WASHC4: variants seen among roughly 807,000 people sequenced by gnomAD.
WASHC4 encodes the protein WASH complex subunit 7.
A neutral mutation model predicts 166.6 loss-of-function variants in WASHC4; 86 were observed. The ratio of observed to expected loss-of-function variants is 0.52; its 90% confidence interval spans 0.43 to 0.62. The LOEUF is 0.62. Among genes scored for constraint, WASHC4 ranks in the 20% least tolerant of loss-of-function variants. The probability of loss-of-function intolerance (pLI) is 0.00; values close to 1 mark genes in which losing one functional copy is unlikely to be tolerated. For synonymous variants in WASHC4, 446 were observed against 451.6 expected, an observed-to-expected ratio of 0.99 and a Z score of 0.16; for missense variants, 1,262 against 1,382.4, an observed-to-expected ratio of 0.91 and a Z score of 1.38.
Position 105,118,391 on chromosome 12 carries a change from AAAT to A in WASHC4, c.436-54_436-52del. On this transcript the variant is annotated intron_variant, in intron 6 of 32. Transcript: ENST00000332180. ...AGTTGTTACCATAAAATTCAGTAAA[AAAT>A]GGTGAGATTTAAAGAGTAACTTTAT... 3 of 1,238,054 alleles carry A rather than the reference AAAT, an allele frequency of 2.4e-6. No individual in the cohort carries two copies. In the South Asian group the frequency reaches 3.6e-5, roughly 15 times the overall value. 76.7% of individuals were successfully genotyped at this position (1,238,054 alleles called of 1,614,324 possible).
At position 105,122,233 on chromosome 12, in the gene WASHC4, T is replaced by G. The variant is rs1397861083; in HGVS notation, c.781T>G (p.Phe261Val). 1.2e-6 allele frequency: 2 copies of G among 1,612,376 alleles called. No homozygotes were observed. The highest frequency in any genetic ancestry group is 1.7e-6 in the Non-Finnish European group (2 of 1,179,578). ...LEGQLLDGMI[F>V]QACIEQQFDS... Reference sequence around the variant, plus strand: ...AGGGCAATTACTGGATGGAATGATATTCCAGGTAAGTAGGTCTGTATCAGA... The same window carrying G: ...AGGGCAATTACTGGATGGAATGATAGTCCAGGTAAGTAGGTCTGTATCAGA... The change falls in exon 10 of 33, where the codon TTC becomes GTC. Residue 261 changes from phenylalanine (F) to valine (V), a missense_variant. Coordinates refer to ENST00000332180, the MANE Select transcript of WASHC4 (RefSeq NM_015275.3).
In WASHC4 at chr12:105,139,415, A is replaced by ATGTGTG. The variant is rs144001458; in HGVS notation, c.1453-873_1453-868dup. Among the ~76,000 whole-genome samples, 220 of 94,436 alleles carry ATGTGTG rather than the reference A, an allele frequency of 2.3e-3. 4 individuals carry two copies. The highest frequency in any genetic ancestry group is 8.8e-3 in the African/African-American group (201 of 22,896). 62.0% of individuals were successfully genotyped at this position (94,436 alleles called of 152,430 possible). ...TTGTCTCTATAGACAGACTATATATATGTGTGTGTGTATATATATATATAT... is the reference window on the plus strand; with the variant it reads ...TTGTCTCTATAGACAGACTATATATATGTGTGTGTGTGTGTGTATATATATATATAT... On this transcript the variant is annotated intron_variant, in intron 15 of 32. Transcript: ENST00000332180.
chr12:105,164,398 A>C (rs536169135), intron 31 of WASHC4, 91 bp downstream of exon 31: 112 of 1,147,492 alleles, frequency 9.8e-5, no homozygotes, highest in Admixed American at 1.5e-4. Context: ...CCATATAGAA[A>C]CTACCATTTT....
intron 32 of WASHC4, 91 bp downstream of exon 32, chr12:105,164,831 C>T: frequency 1.2e-6 from 1 of 856,054 alleles, no homozygotes; most frequent in East Asian, 2.6e-5. Context: ...CATCTAGCTT[C>T]TTTGTCCTTT....
chr12:105,167,112 C>G lies in WASHC4; in HGVS notation c.*181C>G, dbSNP rs995761618. 32 of 579,842 alleles carry G rather than the reference C, an allele frequency of 5.5e-5. No homozygotes were observed. Among genetic ancestry groups the G allele is most frequent in the Middle Eastern group, 2.8e-4 (1 of 3,522 alleles). The allele number at this position is 579,842 out of a possible 1,614,324, so 35.9% of individuals were successfully genotyped here. A position where few individuals can be genotyped will look rare whatever the true frequency, so the allele number is the denominator to read the frequency against. Reference sequence around the variant, plus strand: ...ATTCTGTTTCCAAAGGCTCTACTTTCAAAGGTTAAGAATGAGATTTTAAAA... The same window carrying G: ...ATTCTGTTTCCAAAGGCTCTACTTTGAAAGGTTAAGAATGAGATTTTAAAA... On this transcript the variant is annotated 3_prime_UTR_variant, in exon 33 of 33. Transcript: ENST00000332180.
At position 105,163,701 on chromosome 12, in the gene WASHC4, A is replaced by T. The variant is rs546118672; in HGVS notation, c.3158-410A>T. 2.0e-5 allele frequency among the ~76,000 whole-genome samples: 3 copies of T among 151,984 alleles called. No homozygotes were observed. In the South Asian group the frequency reaches 6.3e-4, roughly 32 times the overall value. ...AATTTTTGTTTTTTTTAGAGACAGG[A>T]GTCTCACTGTGTTGCCCAGGTTGGT... On this transcript the variant is annotated intron_variant, in intron 30 of 32. Coordinates refer to ENST00000332180, the MANE Select transcript of WASHC4 (RefSeq NM_015275.3).
intron 13 of WASHC4, among the ~76,000 whole-genome samples, chr12:105,127,665 G>T (rs552511975): frequency 6.6e-6 from 1 of 152,030 alleles, no homozygotes; most frequent in Non-Finnish European, 1.5e-5. Context: ...TTCTTGATGT[G>T]CTTCCTTTTT....
intron 1 of WASHC4, among the ~76,000 whole-genome samples, chr12:105,109,719 TCACTGCAGCCTCGACCA>T (rs1444242921): frequency 7.0e-6 from 1 of 143,828 alleles, no homozygotes; most frequent in Non-Finnish European, 1.5e-5. Flanking sequence ...TCGCCACGGC[TCACTGCAGCCTCGACCA>T]GCTGAGCTCA....
rs1173341090 is a variant in WASHC4 at position 105,164,752 on chromosome 12, G to T, written c.3454+12G>T. On this transcript the variant is annotated intron_variant, in intron 32 of 32. Transcript: ENST00000332180. ...GAAAGAGAAGGAAGGTCAGTGAGTG[G>T]TTTAAATTTGGAAAGACCAATAAAT... The T allele has an allele frequency of 5.1e-6, 8 of 1,583,308 alleles. No individual in the cohort carries two copies. Among genetic ancestry groups the T allele is most frequent in the Non-Finnish European group, 5.2e-6 (6 of 1,153,774 alleles).
Position 105,166,196 on chromosome 12 carries a change from C to A in WASHC4, c.3455-668C>A, listed in dbSNP as rs146674110. Among the ~76,000 whole-genome samples the A allele has an allele frequency of 6.4e-4, 97 of 152,282 alleles. 1 individual carries two copies. The East Asian group carries it at 0.015, about 23-fold the overall frequency. Reference sequence around the variant, plus strand: ...TTATGTTATCACTCACATCACTGTTCTAAGACTATTTCAGCTAAAGATTGC... The same window carrying A: ...TTATGTTATCACTCACATCACTGTTATAAGACTATTTCAGCTAAAGATTGC... On this transcript the variant is annotated intron_variant, in intron 32 of 32. Transcript: ENST00000332180.
chr12:105,152,356 G>A lies in WASHC4; in HGVS notation c.2663G>A (p.Arg888Lys). The change falls in exon 26 of 33, where the codon AGA becomes AAA. Residue 888 changes from arginine (R) to lysine (K), a missense_variant. Coordinates refer to ENST00000332180, the MANE Select transcript of WASHC4 (RefSeq NM_015275.3). ...TTTTCTGTCTAGTATCCTTTTGATA[G>A]AGCAGAAAAATTCAATCGAGGCATC... ...DQNDHKYPFD[R>K]AEKFNRGIRK... The A allele has an allele frequency of 6.3e-7, 1 of 1,575,324 alleles. No homozygotes were observed. The highest frequency in any genetic ancestry group is 8.7e-7 in the Non-Finnish European group (1 of 1,145,114).
intron 10 of WASHC4, among the ~76,000 whole-genome samples, chr12:105,123,824 G>A (rs1254923160): frequency 6.6e-6 from 1 of 152,152 alleles, no homozygotes; most frequent in Non-Finnish European, 1.5e-5. Flanking sequence ...TTTCATAGAG[G>A]AAAAGTCAAT....
intron 28 of WASHC4, 21 bp downstream of exon 28, chr12:105,157,343 TAAA>T (rs746256545): frequency 7.4e-7 from 1 of 1,343,902 alleles, no homozygotes; most frequent in African/African-American, 1.4e-5. Context: ...TTTGGAAATA[TAAA>T]AAAGTGTGTT....
chr12:105,149,796 T>G (rs1288238091), intron 25 of WASHC4, 47 bp downstream of exon 25: 3 of 1,542,030 alleles, frequency 1.9e-6, no homozygotes, highest in Non-Finnish European at 2.6e-6. Flanking sequence ...CTATTGAGTA[T>G]ATGGCAAATG....
At chr12:105,135,111 C>T (rs1372430847) in intron 14 of WASHC4, among the ~76,000 whole-genome samples, 2 of 152,022 alleles carry the variant, frequency 1.3e-5, no homozygotes, top group African/African-American at 2.4e-5. Context: ...TCCCTCTCAT[C>T]TTCTGTGCTG....
At chr12:105,163,671 A>T (rs1231009727) in intron 30 of WASHC4, among the ~76,000 whole-genome samples, 2 of 151,816 alleles carry the variant, frequency 1.3e-5, no homozygotes, top group African/African-American at 2.4e-5. Context: ...CTGGCTAATT[A>T]AAAAAATTTT....
chr12:105,111,333 T>G, intron 2 of WASHC4, 69 bp downstream of exon 2: 1 of 1,018,194 alleles, frequency 9.8e-7, no homozygotes, highest in Admixed American at 2.5e-5. Context: ...AAACATAATT[T>G]TTTAAAATGG....
Position 105,137,973 on chromosome 12 carries a change from T to C in WASHC4, c.1414T>C (p.Ser472Pro), listed in dbSNP as rs759940803. 2.5e-6 allele frequency: 4 copies of C among 1,613,176 alleles called. No individual in the cohort carries two copies. The highest frequency in any genetic ancestry group is 3.4e-6 in the Non-Finnish European group (4 of 1,179,342). The change falls in exon 15 of 33, where the codon TCA becomes CCA. Residue 472 changes from serine to proline, a missense_variant. By Grantham distance (74) the Ser-to-Pro change is moderately conservative. Transcript: ENST00000332180. ...CATGCAAAAGCCAATGACCAAAACC[T>C]CAGTTAAGGCATTGTGCAGGCTTGT... ...MSMQKPMTKT[S>P]VKALCRLVEL...
chr12:105,115,859 T>G, intron 6 of WASHC4, 131 bp downstream of exon 6: 1 of 692,386 alleles, frequency 1.4e-6, no homozygotes, highest in Non-Finnish European at 2.6e-6. Context: ...TAATTAGCAT[T>G]GGATTATAGT....
Sources: allele counts gnomAD v4.1 joint callset (sites outside exome capture counted in the v4.1 genomes callset), GRCh38; gene constraint gnomAD v4.1.1; transcripts MANE v1.5; gene names NCBI Gene and HGNC (gene_info 2026-07-23, HGNC 2026-07-21).